SNAP91: variants seen among roughly 807,000 people sequenced by gnomAD.
SNAP91 encodes the protein synaptosome associated protein 91.
In SNAP91, 27 loss-of-function variants were observed where a neutral mutation model predicts 100.3. The observed-to-expected ratio is 0.27, with a 90% CI of 0.20 to 0.37. The LOEUF is 0.37. Among genes scored for constraint, SNAP91 ranks in the 10% least tolerant of loss-of-function variants. The pLI is 1.00. For missense variants in SNAP91, 986 were observed against 1,123.7 expected, an observed-to-expected ratio of 0.88 and a Z score of 1.75; for synonymous variants, 404 against 398.6, an observed-to-expected ratio of 1.01 and a Z score of -0.16.
At chr6:83,562,210 G>A (rs1478051432) in intron 26 of SNAP91, among the ~76,000 whole-genome samples, 1 of 152,030 alleles carries the variant, frequency 6.6e-6, no homozygotes, top group African/African-American at 2.4e-5. Flanking sequence ...TGACACCAAA[G>A]GCAAACAAAG....
At chr6:83,653,726 T>C (rs780907791) in intron 7 of SNAP91, among the ~76,000 whole-genome samples, 4 of 152,152 alleles carry the variant, frequency 2.6e-5, no homozygotes, top group African/African-American at 9.7e-5. Flanking sequence ...TGTAAATAGG[T>C]CTTTATTAAT....
intron 13 of SNAP91, 65 bp downstream of exon 13, chr6:83,607,634 A>G (rs1377212165): frequency 1.8e-6 from 2 of 1,083,880 alleles, no homozygotes; most frequent in Non-Finnish European, 2.7e-6. Context: ...GGTACAGCAC[A>G]TAAAAATAAA....
In SNAP91 at chr6:83,607,720, G is replaced by T; in HGVS notation, c.1001C>A (p.Ala334Glu). 1 of 1,584,690 alleles carries T rather than the reference G, an allele frequency of 6.3e-7. No individual in the cohort carries two copies. The highest frequency in any genetic ancestry group is 8.6e-7 in the Non-Finnish European group (1 of 1,164,244). ...TSPPVDLFAT[A>E]SAAVPVSTSK... ...CAACCTGACTGGGACAGCCGCAGATGCAGTTGCAAATAAATCAACCGGTGG... is the reference window on the plus strand; with the variant it reads ...CAACCTGACTGGGACAGCCGCAGATTCAGTTGCAAATAAATCAACCGGTGG... Residue 334 changes from alanine to glutamate, a missense_variant, in exon 13 of 30, where the codon GCA (alanine) becomes GAA (glutamate). Physicochemically the swap from Ala to Glu is moderately radical, Grantham distance 107. This residue lies in a region of SNAP91 where 330 missense variants were observed against 447.5 expected (regional missense o/e 0.74). Transcript: ENST00000369694.
In SNAP91 at chr6:83,560,092, G is replaced by A; in HGVS notation, c.2631+12C>T. The stretch of plus-strand genomic sequence containing the variant: ...TTAATGTCACTGATTTGTGGACATT[G>A]AAGAAACTGACCTGCGTGCCAGGTA... On this transcript the variant is annotated intron_variant, in intron 28 of 29. Coordinates refer to ENST00000369694, the MANE Select transcript of SNAP91 (RefSeq NM_001242792.2). 1 of 1,607,060 alleles carries A rather than the reference G, an allele frequency of 6.2e-7. No individual in the cohort carries two copies. The highest frequency in any genetic ancestry group is 1.7e-5 in the Admixed American group (1 of 59,988).
chr6:83,580,113 C>T (rs1156688702), intron 24 of SNAP91, among the ~76,000 whole-genome samples: 1 of 152,080 alleles, frequency 6.6e-6, no homozygotes, highest in Non-Finnish European at 1.5e-5. Context: ...ATGTAAGTTA[C>T]CCTATGTTCT....
rs145169735 is a variant in SNAP91 at position 83,632,836 on chromosome 6, G to A, written c.765+8260C>T. 4.6e-3 allele frequency among the ~76,000 whole-genome samples: 697 copies of A among 152,152 alleles called. 2 individuals carry two copies. Among genetic ancestry groups the A allele is most frequent in the Non-Finnish European group, 8.0e-3 (545 of 68,008 alleles). On this transcript the variant is annotated intron_variant, in intron 8 of 29. Coordinates refer to ENST00000369694, the MANE Select transcript of SNAP91 (RefSeq NM_001242792.2). ...TTATACTGGGCTTCGCCTTTCTCTGGTGCCTCCCTAATTAGCTTAATAACT... is the reference window on the plus strand; with the variant it reads ...TTATACTGGGCTTCGCCTTTCTCTGATGCCTCCCTAATTAGCTTAATAACT...
intron 2 of SNAP91, among the ~76,000 whole-genome samples, chr6:83,706,901 C>T (rs1294635349): frequency 6.6e-6 from 1 of 152,236 alleles, no homozygotes; most frequent in East Asian, 1.9e-4. Flanking sequence ...CCACCCAAAG[C>T]AGGTGAAAGC....
At chr6:83,616,618 T>C (rs1407875948) in intron 10 of SNAP91, among the ~76,000 whole-genome samples, 1 of 152,178 alleles carries the variant, frequency 6.6e-6, no homozygotes, top group African/African-American at 2.4e-5. Context: ...AGGCTGCTTG[T>C]GAAATTGTGC....
At chr6:83,605,521 C>G (rs2095555168) in intron 14 of SNAP91, among the ~76,000 whole-genome samples, 164 bp downstream of exon 14, 1 of 152,218 alleles carries the variant, frequency 6.6e-6, no homozygotes, top group Non-Finnish European at 1.5e-5. Flanking sequence ...GTCTCTCTCT[C>G]TCAATATATA....
At chr6:83,580,713 T>C (rs1386591609) in intron 23 of SNAP91, 114 bp from the exon 24 acceptor site, 4 of 1,004,726 alleles carry the variant, frequency 4.0e-6, no homozygotes, top group East Asian at 5.4e-5. Flanking sequence ...TAAAATCTTA[T>C]AAAAGAAGGC....
intron 12 of SNAP91, 32 bp downstream of exon 12, chr6:83,610,618 A>ACAAAAACCCC: frequency 1.6e-6 from 1 of 612,014 alleles, no homozygotes; most frequent in Non-Finnish European, 3.1e-6. Context: ...AAAACAAAAA[A>ACAAAAACCCC]CAAAAACCCC....
intron 15 of SNAP91, 51 bp from the exon 16 acceptor site, chr6:83,601,489 CA>C: frequency 6.2e-7 from 1 of 1,612,042 alleles, no homozygotes; most frequent in Non-Finnish European, 8.5e-7. Context: ...AAGCAAAGGA[CA>C]AAAGATATAC....
At chr6:83,580,369 GA>G in intron 24 of SNAP91, 80 bp downstream of exon 24, 2 of 460,952 alleles carry the variant, frequency 4.3e-6, no homozygotes, top group East Asian at 7.7e-5. Flanking sequence ...CATATGAGAT[GA>G]GAGAGAGAGA....
chr6:83,661,469 C>T, intron 5 of SNAP91, 33 bp downstream of exon 5: 2 of 1,331,078 alleles, frequency 1.5e-6, no homozygotes, highest in Non-Finnish European at 2.1e-6. Context: ...GACTTATTCT[C>T]CTCTAATAAA....
chr6:83,593,395 C>T (rs2128205328), intron 18 of SNAP91, 83 bp downstream of exon 18: 7 of 1,523,622 alleles, frequency 4.6e-6, no homozygotes, highest in East Asian at 4.9e-5. Context: ...CATTTAATTA[C>T]ACAGTCTTCA....
intron 2 of SNAP91, chr6:83,686,275 C>G: frequency 1.3e-6 from 1 of 744,644 alleles, no homozygotes; most frequent in Non-Finnish European, 1.6e-6. Context: ...GTTGGTTACT[C>G]AGTTAAGCAC....
chr6:83,573,977 C>A (rs1813411679), intron 26 of SNAP91, among the ~76,000 whole-genome samples: 1 of 152,182 alleles, frequency 6.6e-6, no homozygotes, highest in Non-Finnish European at 1.5e-5. Context: ...TAAAGAGCTT[C>A]TGCACAGCAA....
At chr6:83,672,368 A>C (rs1355140408) in intron 2 of SNAP91, among the ~76,000 whole-genome samples, 2 of 152,130 alleles carry the variant, frequency 1.3e-5, no homozygotes, top group African/African-American at 4.8e-5. Context: ...TCACTCTGCT[A>C]CTTATGGACA....
chr6:83,566,900 G>A (rs1797415732), intron 26 of SNAP91, among the ~76,000 whole-genome samples: 1 of 152,032 alleles, frequency 6.6e-6, no homozygotes, highest in Non-Finnish European at 1.5e-5. Context: ...AAAGTTCATG[G>A]TCCACACTGC....
Sources: gnomAD v4.1 joint callset for allele counts (sites outside exome capture counted in the v4.1 genomes callset) on GRCh38, gnomAD v4.1.1 for gene constraint, gnomAD v4.1.1 regional missense constraint, MANE v1.5 for transcripts, NCBI Gene and HGNC (gene_info 2026-07-23, HGNC 2026-07-21) for gene names.